The following PRDM16 variants were observed in gnomAD, a reference collection of about 807,000 sequenced individuals.
PRDM16 encodes PR/SET domain 16.
A neutral mutation model predicts 110.6 loss-of-function variants in PRDM16; 23 were observed. The observed-to-expected ratio is 0.21, with a 90% confidence interval of 0.15 to 0.29. The LOEUF is 0.29. Among genes scored for constraint, PRDM16 ranks in the 10% least tolerant of loss-of-function variants. PRDM16 has a pLI of 1.00. For synonymous variants in PRDM16, 799 were observed against 781.8 expected, an observed-to-expected ratio of 1.02 and a Z score of -0.37; for missense variants, 1,615 against 1,794.3, an observed-to-expected ratio of 0.90 and a Z score of 1.81.
chr1:3,337,693 C>T (rs1482255348), intron 3 of PRDM16, among the ~76,000 whole-genome samples: 2 of 152,184 alleles, frequency 1.3e-5, no homozygotes, highest in African/African-American at 4.8e-5. Flanking sequence ...CTGGCTTTCC[C>T]TTGGTGTGAT....
intron 1 of PRDM16, among the ~76,000 whole-genome samples, chr1:3,116,002 C>A (rs1005021826): frequency 3.9e-5 from 6 of 152,172 alleles, no homozygotes; most frequent in African/African-American, 1.4e-4. Context: ...CCCCTCCCAG[C>A]GTCTGCAGCT....
rs1455918516 is a variant in PRDM16, at chr1:3,359,740, A to G, written c.439-25412A>G. ...AGCGTCCTCTGTGTGCCTGAGGGGAACGCACTGGGTTGATCCCTCAGCGGC... is the reference window on the plus strand; with the variant it reads ...AGCGTCCTCTGTGTGCCTGAGGGGAGCGCACTGGGTTGATCCCTCAGCGGC... On this transcript the variant is annotated intron_variant, in intron 3 of 16. Transcript: ENST00000270722. The surrounding 1 kb of genome is among the most constrained non-coding windows in gnomAD (Gnocchi z 4.3). Among the ~76,000 whole-genome samples the G allele has an allele frequency of 6.6e-6, 1 of 152,202 alleles. No homozygotes were observed. Among genetic ancestry groups the G allele is most frequent in the Non-Finnish European group, 1.5e-5 (1 of 68,040 alleles).
chr1:3,373,892 A>G (rs181885140), intron 3 of PRDM16, among the ~76,000 whole-genome samples: 73 of 152,356 alleles, frequency 4.8e-4, no homozygotes, highest in African/African-American at 1.8e-3. Context: ...AGAGCAGGGA[A>G]CAGACCCTGT....
At chr1:3,264,577 C>G (rs1267369272) in intron 3 of PRDM16, among the ~76,000 whole-genome samples, 1 of 145,102 alleles carries the variant, frequency 6.9e-6, no homozygotes, top group Non-Finnish European at 1.5e-5. Flanking sequence ...ATCTGAGGAC[C>G]CCGGGCCAGG....
chr1:3,123,009 G>T (rs1020882399), intron 1 of PRDM16, among the ~76,000 whole-genome samples: 1 of 152,182 alleles, frequency 6.6e-6, no homozygotes, highest in Non-Finnish European at 1.5e-5. Context: ...GGGCCAAGGT[G>T]GGTGGGAAGA....
At chr1:3,381,828 G>T (rs957130019) in intron 3 of PRDM16, among the ~76,000 whole-genome samples, 1 of 152,238 alleles carries the variant, frequency 6.6e-6, no homozygotes, top group Admixed American at 6.5e-5. Context: ...CGCATGCTGA[G>T]AGGGAGAGAT....
intron 3 of PRDM16, among the ~76,000 whole-genome samples, chr1:3,263,322 G>C (rs2455106): frequency 0.27 from 41,073 of 152,204 alleles, 6,750 homozygotes; most frequent in African/African-American, 0.44. Context: ...GCAGAAATAT[G>C]AGGGGTAGAC....
chr1:3,193,919 A>G (rs918063058), intron 2 of PRDM16, among the ~76,000 whole-genome samples: 6 of 152,194 alleles, frequency 3.9e-5, no homozygotes, highest in Non-Finnish European at 7.3e-5. Context: ...GGCTGGGGCC[A>G]GGGAGGGTGA....
chr1:3,173,006 C>T lies in PRDM16; in HGVS notation c.38-13119C>T, dbSNP rs35480126. 1.9e-3 allele frequency among the ~76,000 whole-genome samples: 293 copies of T among 152,332 alleles called. 2 individuals are homozygous for T. The highest frequency in any genetic ancestry group is 3.4e-3 in the Middle Eastern group (1 of 294). On this transcript the variant is annotated intron_variant, in intron 1 of 16. Transcript: ENST00000270722. Reference sequence around the variant, plus strand: ...GCTGTCACGATGCCAGATCTTAGCTCGTGGAGCTAGTGCTTGGAGCCAACA... The same window carrying T: ...GCTGTCACGATGCCAGATCTTAGCTTGTGGAGCTAGTGCTTGGAGCCAACA...
At chr1:3,147,148 T>G (rs1024951344) in intron 1 of PRDM16, among the ~76,000 whole-genome samples, 2 of 144,756 alleles carry the variant, frequency 1.4e-5, no homozygotes, top group African/African-American at 5.2e-5. Context: ...ATGTGTGTGC[T>G]CGGTGTGAGG....
intron 1 of PRDM16, among the ~76,000 whole-genome samples, chr1:3,083,718 C>T (rs2981885): frequency 0.029 from 4,388 of 152,126 alleles, 220 homozygotes; most frequent in African/African-American, 0.099. Flanking sequence ...ATCAGAGGGG[C>T]AGTTTCCACA....
Position 3,358,422 on chromosome 1 carries a change from A to T in PRDM16, c.439-26730A>T, listed in dbSNP as rs78844001. Reference sequence around the variant, plus strand: ...GATGGCAAAAGACCTCGGCGGGTACAGAAAATCTCCCACAGTGGAGGAGGT... The same window carrying T: ...GATGGCAAAAGACCTCGGCGGGTACTGAAAATCTCCCACAGTGGAGGAGGT... On this transcript the variant is annotated intron_variant, in intron 3 of 16. Transcript: ENST00000270722. The surrounding 1 kb of genome is among the most constrained non-coding windows in gnomAD (Gnocchi z 4.0). Among the ~76,000 whole-genome samples, 128 of 152,318 alleles carry T rather than the reference A, an allele frequency of 8.4e-4. 2 individuals carry two copies. The East Asian group carries it at 0.024, about 29-fold the overall frequency.
chr1:3,434,596 G>A lies in PRDM16; in HGVS notation c.*785G>A. 1 of 232,188 alleles carries A rather than the reference G, an allele frequency of 4.3e-6. No individual in the cohort carries two copies. Among genetic ancestry groups the A allele is most frequent in the East Asian group, 6.1e-5 (1 of 16,418 alleles). 14.4% of individuals were successfully genotyped at this position (232,188 alleles called of 1,614,324 possible). A position where few individuals can be genotyped will look rare whatever the true frequency, so the allele number is the denominator to read the frequency against. On this transcript the variant is annotated 3_prime_UTR_variant, in exon 17 of 17. Coordinates refer to ENST00000270722, the MANE Select transcript of PRDM16 (RefSeq NM_022114.4). The stretch of plus-strand genomic sequence containing the variant: ...TTAGGCAGGGCGCCCTGGGCTGCAG[G>A]CCTGCCCGAGGCTGGGATGGGAAGT...
intron 1 of PRDM16, among the ~76,000 whole-genome samples, chr1:3,183,813 C>T (rs769426338): frequency 6.6e-6 from 1 of 152,240 alleles, no homozygotes; most frequent in Non-Finnish European, 1.5e-5. Context: ...TGCCCCACTT[C>T]GGGCTCCAGC....
chr1:3,319,210 G>A (rs917925031), intron 3 of PRDM16, among the ~76,000 whole-genome samples: 3 of 152,196 alleles, frequency 2.0e-5, no homozygotes, highest in Non-Finnish European at 4.4e-5. Flanking sequence ...GCCCGGCAGG[G>A]ATGGGGAGCT....
intron 3 of PRDM16, among the ~76,000 whole-genome samples, chr1:3,321,964 G>T (rs1416078828): frequency 2.0e-5 from 3 of 151,708 alleles, no homozygotes; most frequent in Non-Finnish European, 2.9e-5. Flanking sequence ...ATGTACATGA[G>T]ACTGTATATT....
At chr1:3,108,007 G>T (rs1301875991) in intron 1 of PRDM16, among the ~76,000 whole-genome samples, 1 of 152,250 alleles carries the variant, frequency 6.6e-6, no homozygotes, top group African/African-American at 2.4e-5. Flanking sequence ...TGGTGTCAGG[G>T]AGTTCACCTC....
chr1:3,329,847 T>G (rs1167508095), intron 3 of PRDM16, among the ~76,000 whole-genome samples: 1 of 152,240 alleles, frequency 6.6e-6, no homozygotes, highest in African/African-American at 2.4e-5. Flanking sequence ...CGGCCTCCCA[T>G]GCAGTCCCTG....
intron 1 of PRDM16, among the ~76,000 whole-genome samples, chr1:3,142,326 G>A (rs1466136801): frequency 1.3e-5 from 2 of 152,268 alleles, no homozygotes; most frequent in Non-Finnish European, 2.9e-5. Context: ...ACAAGCAGCA[G>A]CTGAACACGG....
Sources: allele counts gnomAD v4.1 joint callset (sites outside exome capture counted in the v4.1 genomes callset), GRCh38; gene constraint gnomAD v4.1.1; non-coding constraint Gnocchi (gnomAD v3.1); transcripts MANE v1.5; gene names NCBI Gene and HGNC (gene_info 2026-07-23, HGNC 2026-07-21).